The following SUPT3H variants were observed in gnomAD, a reference collection of about 807,000 sequenced individuals.
SUPT3H encodes the protein transcription initiation protein SPT3 homolog.
Under a neutral mutation model 44.3 loss-of-function variants are expected in SUPT3H, and 44 were observed. The observed-to-expected ratio is 0.99, with a 90% CI of 0.78 to 1.28. The LOEUF (loss-of-function observed/expected upper bound fraction) is 1.28. SUPT3H is among the 50% of genes most tolerant of loss of function. The pLI, the probability that SUPT3H is intolerant of heterozygous loss-of-function variation, is 0.00. For missense variants in SUPT3H, 380 were observed against 387.1 expected (o/e 0.98, Z 0.15); for synonymous variants, 124 against 125.6 (o/e 0.99, Z 0.09).
chr6:45,313,103 C>T (rs1386144126), intron 2 of SUPT3H, among the ~76,000 whole-genome samples: 1 of 152,056 alleles, frequency 6.6e-6, no homozygotes, highest in East Asian at 1.9e-4. Context: ...ACAATAATGA[C>T]ATAACTTATC....
rs183816113 is a variant in SUPT3H, at chr6:45,059,738, T to G, written c.187-39106A>C. Among the ~76,000 whole-genome samples the G allele has an allele frequency of 1.1e-3, 170 of 152,114 alleles. 2 individuals carry two copies. The highest frequency in any genetic ancestry group is 2.5e-4 in the Non-Finnish European group (17 of 67,970). On this transcript the variant is annotated intron_variant, in intron 3 of 10. Coordinates refer to ENST00000371459, the MANE Select transcript of SUPT3H (RefSeq NM_003599.4). ...TAAACTGATAAGCAACTTCAGCAAA[T>G]TCTCAGGTTATAAAATATTGATTTT...
chr6:44,993,392 C>T (rs570258930), intron 6 of SUPT3H, among the ~76,000 whole-genome samples: 1 of 151,964 alleles, frequency 6.6e-6, no homozygotes, highest in East Asian at 1.9e-4. Flanking sequence ...GGTTAGAGTT[C>T]CATTTTTATA....
At chr6:45,104,056 G>A (rs1178618267) in intron 3 of SUPT3H, among the ~76,000 whole-genome samples, 2 of 151,860 alleles carry the variant, frequency 1.3e-5, no homozygotes, top group Non-Finnish European at 2.9e-5. Flanking sequence ...CATTAGCACA[G>A]CTGTACTACA....
chr6:45,181,483 T>C (rs1813171105), intron 2 of SUPT3H, among the ~76,000 whole-genome samples: 2 of 151,912 alleles, frequency 1.3e-5, no homozygotes, highest in Non-Finnish European at 2.9e-5. Flanking sequence ...CCAACAATGA[T>C]AGACTGGATT....
chr6:45,213,670 G>A (rs1434894575), intron 2 of SUPT3H, among the ~76,000 whole-genome samples: 4 of 151,950 alleles, frequency 2.6e-5, no homozygotes, highest in East Asian at 1.9e-4. Context: ...TATATCCTAC[G>A]ATAATTAATC....
At chr6:45,345,127 G>A (rs2150153832) in intron 2 of SUPT3H, among the ~76,000 whole-genome samples, 1 of 152,240 alleles carries the variant, frequency 6.6e-6, no homozygotes, top group Non-Finnish European at 1.5e-5. Context: ...AGATTTAAAT[G>A]AGATATTAAT....
At chr6:45,325,157 G>T (rs577043100) in intron 2 of SUPT3H, among the ~76,000 whole-genome samples, 4 of 151,754 alleles carry the variant, frequency 2.6e-5, no homozygotes, top group African/African-American at 9.6e-5. Flanking sequence ...GCCAAATTAG[G>T]ACTTCTAAAG....
intron 2 of SUPT3H, among the ~76,000 whole-genome samples, chr6:45,188,031 C>T (rs1264077675): frequency 2.6e-5 from 4 of 152,210 alleles, no homozygotes; most frequent in African/African-American, 9.7e-5. Context: ...ACATGAATCA[C>T]CCCTTTGTTA....
intron 10 of SUPT3H, among the ~76,000 whole-genome samples, chr6:44,856,762 T>A (rs1283761114): frequency 6.6e-6 from 1 of 152,166 alleles, no homozygotes. Flanking sequence ...TGGTAACACA[T>A]GAACACAAAC....
downstream of SUPT3H, among the ~76,000 whole-genome samples, chr6:44,822,315 G>A (rs943581166): frequency 6.6e-6 from 1 of 152,254 alleles, no homozygotes; most frequent in Admixed American, 6.5e-5. Context: ...TTCACAAAAT[G>A]TTATTTTTAG....
chr6:45,133,047 T>A (rs1486618585), intron 2 of SUPT3H, among the ~76,000 whole-genome samples: 2 of 151,994 alleles, frequency 1.3e-5, no homozygotes, highest in African/African-American at 2.4e-5. Flanking sequence ...AGAAGGAGAG[T>A]AATCTTTTAA....
At chr6:45,356,978 C>T (rs1302671993) in intron 2 of SUPT3H, among the ~76,000 whole-genome samples, 1 of 152,100 alleles carries the variant, frequency 6.6e-6, no homozygotes, top group Non-Finnish European at 1.5e-5. Context: ...CTACTAACCA[C>T]TCTCTGATAT....
chr6:45,356,565 T>C (rs973791451), intron 2 of SUPT3H, among the ~76,000 whole-genome samples: 2 of 151,648 alleles, frequency 1.3e-5, no homozygotes, highest in African/African-American at 2.4e-5. Flanking sequence ...GCCTGGCTAA[T>C]GTTTATTTTT....
intron 2 of SUPT3H, among the ~76,000 whole-genome samples, chr6:45,198,168 T>C (rs1290469727): frequency 6.6e-6 from 1 of 151,280 alleles, no homozygotes; most frequent in African/African-American, 2.4e-5. Context: ...GTCTAATCAA[T>C]ATGAAAGCCA....
At chr6:44,895,005 T>C (rs1203620529) in intron 10 of SUPT3H, among the ~76,000 whole-genome samples, 3 of 151,972 alleles carry the variant, frequency 2.0e-5, no homozygotes, top group Non-Finnish European at 2.9e-5. Context: ...GTTGATATAA[T>C]GGGAATGTGC....
In SUPT3H at chr6:45,105,937, A is replaced by G; in HGVS notation, c.171T>C (p.Thr57=). The G allele has an allele frequency of 6.2e-7, 1 of 1,613,320 alleles. No individual in the cohort carries two copies. The highest frequency in any genetic ancestry group is 1.1e-5 in the South Asian group (1 of 91,058). Residue 57 remains threonine, a synonymous_variant, in exon 3 of 11, where the codon ACT becomes ACC. Coordinates refer to ENST00000371459, the MANE Select transcript of SUPT3H (RefSeq NM_003599.4). ...TAVLVEDVVH[T]QLINLLQQAA... is the part of the protein sequence containing the mutation. ...ATGCTCTTACCAGATTAATTAACTG[A>G]GTGTGTACCACATCTTCTACCAAAA...
chr6:45,083,266 A>T (rs1163661870), intron 3 of SUPT3H, among the ~76,000 whole-genome samples: 1 of 151,684 alleles, frequency 6.6e-6, no homozygotes, highest in East Asian at 1.9e-4. Flanking sequence ...ATCTCGGCTC[A>T]ATGCAACCTC....
intron 2 of SUPT3H, among the ~76,000 whole-genome samples, chr6:45,272,403 A>C (rs893567350): frequency 1.3e-5 from 2 of 152,080 alleles, no homozygotes; most frequent in Admixed American, 1.3e-4. Flanking sequence ...TGATGGTTTG[A>C]TAAAGGAAAC....
At chr6:45,309,242 A>C (rs1304810887) in intron 2 of SUPT3H, among the ~76,000 whole-genome samples, 4 of 151,914 alleles carry the variant, frequency 2.6e-5, no homozygotes, top group Non-Finnish European at 4.4e-5. Flanking sequence ...AGAAATCAGA[A>C]TAATCATTTT....
Sources: gnomAD v4.1 joint callset for allele counts (sites outside exome capture counted in the v4.1 genomes callset) on GRCh38, gnomAD v4.1.1 for gene constraint, MANE v1.5 for transcripts, NCBI Gene and HGNC (gene_info 2026-07-23, HGNC 2026-07-21) for gene names.